Variants in MYH10 observed in about 807,000 individuals in gnomAD.
The protein encoded by MYH10 is myosin-10.
MYH10 carries 55 observed loss-of-function variants against 257.8 expected under a neutral mutation model. The ratio of observed to expected loss-of-function variants is 0.21; its 90% CI spans 0.17 to 0.27. MYH10 has a LOEUF of 0.27. MYH10 is among the 10% of genes least tolerant of loss of function. The pLI, the probability that MYH10 is intolerant of heterozygous loss-of-function variation, is 1.00. For missense variants in MYH10, 1,631 were observed against 2,500.6 expected, an observed-to-expected ratio of 0.65 and a Z score of 7.42; for synonymous variants, 854 against 921.7, an observed-to-expected ratio of 0.93 and a Z score of 1.33.
At chr17:8,479,266 C>G (rs113519240) in intron 40 of MYH10, among the ~76,000 whole-genome samples, 3,264 of 152,248 alleles carry the variant, frequency 0.021, 119 homozygotes, top group African/African-American at 0.074. Context: ...CCTACACTCC[C>G]TCTTTGGTTA....
At chr17:8,476,756 G>T in intron 42 of MYH10, 120 bp downstream of exon 42, 1 of 1,118,970 alleles carries the variant, frequency 8.9e-7, no homozygotes, top group Non-Finnish European at 1.2e-6. Flanking sequence ...AAGTGGTTCG[G>T]GAGAAAGAAT....
At position 8,583,061 on chromosome 17, in the gene MYH10, G is replaced by A. The variant is rs190969391; in HGVS notation, c.531-5723C>T. Among the ~76,000 whole-genome samples the A allele has an allele frequency of 2.6e-5, 4 of 152,348 alleles. 1 individual carries two copies. Among genetic ancestry groups the A allele is most frequent in the Admixed American group, 2.0e-4 (3 of 15,306 alleles). ...TCTTTAGAGAGCAGCTTACTGGGAA[G>A]AGCAGAGATTTTGTGATCAACATAG... On this transcript the variant is annotated intron_variant, in intron 4 of 42. Transcript: ENST00000360416.
intron 25 of MYH10, among the ~76,000 whole-genome samples, chr17:8,509,299 G>A (rs1336401992): frequency 1.3e-5 from 2 of 152,210 alleles, no homozygotes; most frequent in Non-Finnish European, 2.9e-5. Flanking sequence ...TCTGGTCTAG[G>A]TGTATAGCAG....
intron 3 of MYH10, among the ~76,000 whole-genome samples, chr17:8,596,860 T>A (rs1278055164): frequency 1.3e-5 from 2 of 152,190 alleles, no homozygotes; most frequent in Non-Finnish European, 2.9e-5. Flanking sequence ...TTATCCTCTA[T>A]CCAAAAATTT....
chr17:8,574,579 A>AAT (rs1373723383), intron 6 of MYH10, among the ~76,000 whole-genome samples: 2 of 152,274 alleles, frequency 1.3e-5, no homozygotes, highest in African/African-American at 4.8e-5. Context: ...TAAACAAGCA[A>AAT]ATATATAAAG....
rs1182916476 is a variant in MYH10, at chr17:8,474,844, T to C, written c.*960A>G. ...TGTTCTGGAGGCTCCATAAACCTCA[T>C]TGACAAACTTGGAACAAGCCTCGGA... On this transcript the variant is annotated 3_prime_UTR_variant, in exon 43 of 43. Coordinates refer to ENST00000360416, the MANE Select transcript of MYH10 (RefSeq NM_001256012.3). The C allele has an allele frequency of 2.0e-5, 3 of 152,626 alleles. No homozygotes were observed. The highest frequency in any genetic ancestry group is 6.5e-5 in the Admixed American group (1 of 15,278). The allele number at this position is 152,626 out of a possible 1,614,324, so 9.5% of individuals were successfully genotyped here.
At chr17:8,564,790 G>C (rs2083111997) in intron 7 of MYH10, among the ~76,000 whole-genome samples, 1 of 152,152 alleles carries the variant, frequency 6.6e-6, no homozygotes, top group Non-Finnish European at 1.5e-5. Context: ...ATTCTACTAG[G>C]AAAGATAATA....
intron 4 of MYH10, among the ~76,000 whole-genome samples, chr17:8,582,457 A>T (rs2083744468): frequency 6.6e-6 from 1 of 152,236 alleles, no homozygotes. Flanking sequence ...CTAAGACAGG[A>T]CTATGGTTAA....
chr17:8,508,913 G>A (rs2081167107), intron 25 of MYH10, among the ~76,000 whole-genome samples: 1 of 152,188 alleles, frequency 6.6e-6, no homozygotes, highest in African/African-American at 2.4e-5. Flanking sequence ...ATCGAGAGCT[G>A]TCATAACACC....
chr17:8,620,375 T>C (rs2085418865), intron 2 of MYH10, among the ~76,000 whole-genome samples: 1 of 152,174 alleles, frequency 6.6e-6, no homozygotes, highest in African/African-American at 2.4e-5. Flanking sequence ...AAATACTACA[T>C]ATAGAAACTT....
chr17:8,603,074 T>C (rs1395682312), intron 3 of MYH10, among the ~76,000 whole-genome samples: 1 of 152,350 alleles, frequency 6.6e-6, no homozygotes, highest in African/African-American at 2.4e-5. Flanking sequence ...ACAGCTGGTC[T>C]GGGAACCCAC....
intron 3 of MYH10, among the ~76,000 whole-genome samples, chr17:8,604,223 A>C (rs533634120): frequency 3.2e-4 from 49 of 152,322 alleles, no homozygotes; most frequent in African/African-American, 1.1e-3. Flanking sequence ...GTTTAAATGA[A>C]GTCTTGTAGA....
chr17:8,536,935 G>A (rs1481403178), intron 14 of MYH10, among the ~76,000 whole-genome samples: 1 of 152,174 alleles, frequency 6.6e-6, no homozygotes, highest in Non-Finnish European at 1.5e-5. Flanking sequence ...AAACGTGGCA[G>A]GATTTGGTAG....
intron 34 of MYH10, among the ~76,000 whole-genome samples, chr17:8,492,029 G>A (rs960877648): frequency 3.3e-5 from 5 of 152,230 alleles, no homozygotes; most frequent in African/African-American, 1.2e-4. Context: ...ATGCAGGCTG[G>A]AGCAGGGAGG....
At chr17:8,619,418 C>T (rs1597994505) in intron 2 of MYH10, among the ~76,000 whole-genome samples, 1 of 152,208 alleles carries the variant, frequency 6.6e-6, no homozygotes, top group African/African-American at 2.4e-5. Flanking sequence ...ATGACATATT[C>T]GTATTGTTAT....
intron 2 of MYH10, among the ~76,000 whole-genome samples, chr17:8,621,947 A>G (rs1029882066): frequency 1.3e-5 from 2 of 152,184 alleles, no homozygotes; most frequent in South Asian, 2.1e-4. Context: ...TGTCTTCTTC[A>G]CTGTACTATC....
At chr17:8,536,342 T>C (rs1410942599) in intron 14 of MYH10, among the ~76,000 whole-genome samples, 1 of 152,174 alleles carries the variant, frequency 6.6e-6, no homozygotes, top group African/African-American at 2.4e-5. Flanking sequence ...TTCAAACATT[T>C]TATATCCTAA....
chr17:8,538,787 T>C (rs2082214701), intron 14 of MYH10, among the ~76,000 whole-genome samples: 1 of 152,208 alleles, frequency 6.6e-6, no homozygotes, highest in African/African-American at 2.4e-5. Context: ...AACTGGTGAC[T>C]AGGAACATCA....
chr17:8,523,962 T>G (rs2081748301), intron 17 of MYH10, among the ~76,000 whole-genome samples: 1 of 152,016 alleles, frequency 6.6e-6, no homozygotes, highest in Non-Finnish European at 1.5e-5. Context: ...CTGGGATGCC[T>G]GGGGGACTTC....
Sources: gnomAD v4.1 joint callset for allele counts (sites outside exome capture counted in the v4.1 genomes callset) on GRCh38, gnomAD v4.1.1 for gene constraint, MANE v1.5 for transcripts, NCBI Gene and HGNC (gene_info 2026-07-23, HGNC 2026-07-21) for gene names.